Variants in MCTP1 observed in about 807,000 individuals in gnomAD.
MCTP1 encodes multiple C2 and transmembrane domain-containing protein 1.
Under a neutral mutation model 120.6 loss-of-function variants are expected in MCTP1, and 69 were observed. The ratio of observed to expected loss-of-function variants is 0.57; its 90% CI spans 0.47 to 0.70. The LOEUF is 0.70. Among genes scored for constraint, MCTP1 ranks in the 30% least tolerant of loss-of-function variants. MCTP1 has a pLI of 0.00. For missense variants in MCTP1, 1,203 were observed against 1,248.8 expected, an observed-to-expected ratio of 0.96 and a Z score of 0.55; for synonymous variants, 529 against 493.1, an observed-to-expected ratio of 1.07 and a Z score of -0.96.
intron 1 of MCTP1, among the ~76,000 whole-genome samples, chr5:95,028,656 C>T (rs2153688291): frequency 6.6e-6 from 1 of 152,278 alleles, no homozygotes; most frequent in Non-Finnish European, 1.5e-5. Flanking sequence ...ATAAAATTCT[C>T]TTTTCTTAAG....
In MCTP1 at chr5:94,993,220, A is replaced by T. The variant is rs184755419; in HGVS notation, c.838+24147T>A. Among the ~76,000 whole-genome samples, 47 of 152,338 alleles carry T rather than the reference A, an allele frequency of 3.1e-4. No homozygotes were observed. The East Asian group carries it at 8.9e-3, about 29-fold the overall frequency. ...TTTTGACATAAAACTAGAATCCTTT[A>T]AAATACTAAACAACTCAGCAGTCTA... is the stretch of plus-strand genomic sequence containing the variant. On this transcript the variant is annotated intron_variant, in intron 2 of 22. Coordinates refer to ENST00000515393, the MANE Select transcript of MCTP1 (RefSeq NM_024717.7).
chr5:95,079,018 C>T lies in MCTP1; in HGVS notation c.721-61534G>A, dbSNP rs1053688727. 5.3e-5 allele frequency among the ~76,000 whole-genome samples: 8 copies of T among 151,976 alleles called. No homozygotes were observed. In the East Asian group the frequency reaches 7.7e-4, roughly 15 times the overall value. On this transcript the variant is annotated intron_variant, in intron 1 of 22. Transcript: ENST00000515393. ...TATTTCAGTATGCTGTAAATTGCCG[C>T]GAATAAATACTACTAATCCTATCCC... is the stretch of plus-strand genomic sequence containing the variant.
At chr5:94,769,977 T>C (rs1370998610) in intron 19 of MCTP1, among the ~76,000 whole-genome samples, 1 of 152,244 alleles carries the variant, frequency 6.6e-6, no homozygotes, top group African/African-American at 2.4e-5. Flanking sequence ...TCTATTTATA[T>C]AGCCAACTCC....
At chr5:94,746,688 A>T (rs1766975679) in intron 19 of MCTP1, among the ~76,000 whole-genome samples, 1 of 152,242 alleles carries the variant, frequency 6.6e-6, no homozygotes, top group Admixed American at 6.5e-5. Context: ...TTGTCTTCTC[A>T]TGCATTCCAT....
At chr5:94,713,624 T>C (rs1757904053) in intron 20 of MCTP1, among the ~76,000 whole-genome samples, 1 of 152,076 alleles carries the variant, frequency 6.6e-6, no homozygotes, top group Admixed American at 6.5e-5. Flanking sequence ...TAAACATTCT[T>C]AGAGATGAGA....
At position 94,868,313 on chromosome 5, in the gene MCTP1, G is replaced by A. The variant is rs1797201157; in HGVS notation, c.2436+20C>T. 2 of 1,575,490 alleles carry A rather than the reference G, an allele frequency of 1.3e-6. No homozygotes were observed. The highest frequency in any genetic ancestry group is 1.7e-6 in the Non-Finnish European group (2 of 1,164,136). On this transcript the variant is annotated intron_variant, in intron 17 of 22. Coordinates refer to ENST00000515393, the MANE Select transcript of MCTP1 (RefSeq NM_024717.7). ...CTGAATTTAATGAATAACAATGTAAGTAATACAGTATGATCATACCACAAA... is the reference window on the plus strand; with the variant it reads ...CTGAATTTAATGAATAACAATGTAAATAATACAGTATGATCATACCACAAA...
intron 2 of MCTP1, among the ~76,000 whole-genome samples, chr5:94,965,067 G>A (rs1486999145): frequency 6.6e-6 from 1 of 152,112 alleles, no homozygotes; most frequent in Non-Finnish European, 1.5e-5. Context: ...ATGCTCTCAT[G>A]TTTGGCTAAG....
In MCTP1 at chr5:94,854,882, C is replaced by T. The variant is rs141692392; in HGVS notation, c.2436+13451G>A. Among the ~76,000 whole-genome samples the T allele has an allele frequency of 1.1e-4, 17 of 151,820 alleles. No individual in the cohort carries two copies. The East Asian group carries it at 2.7e-3, about 24-fold the overall frequency. ...AAAAGTGAAACAAATCAACATAGTC[C>T]GACTAGGTCTAAGCCTAGCATTCAA... is the stretch of plus-strand genomic sequence containing the variant. On this transcript the variant is annotated intron_variant, in intron 17 of 22. Transcript: ENST00000515393.
At position 94,785,126 on chromosome 5, in the gene MCTP1, T is replaced by C. The variant is rs552084916; in HGVS notation, c.2557-5963A>G. Among the ~76,000 whole-genome samples, 22 of 152,128 alleles carry C rather than the reference T, an allele frequency of 1.4e-4. 1 individual carries two copies. Among genetic ancestry groups the C allele is most frequent in the Non-Finnish European group, 2.8e-4 (19 of 67,962 alleles). ...GTATGTTACCTTTTATTTTCTTAAG[T>C]GTCAGCTTAATATGCAGAAAAACTC... On this transcript the variant is annotated intron_variant, in intron 18 of 22. Transcript: ENST00000515393.
chr5:95,210,551 T>C (rs1204899446), intron 1 of MCTP1, among the ~76,000 whole-genome samples: 8 of 148,556 alleles, frequency 5.4e-5, no homozygotes, highest in Middle Eastern at 3.4e-3. Flanking sequence ...ATCCTTTTAT[T>C]TTGAGCCTAT....
intron 1 of MCTP1, among the ~76,000 whole-genome samples, chr5:95,102,760 A>G (rs1756834167): frequency 6.6e-6 from 1 of 152,234 alleles, no homozygotes; most frequent in African/African-American, 2.4e-5. Context: ...GGATCACAGG[A>G]AGCCCCTTAA....
At chr5:94,959,713 A>G (rs1823644786) in intron 2 of MCTP1, among the ~76,000 whole-genome samples, 1 of 152,124 alleles carries the variant, frequency 6.6e-6, no homozygotes, top group Non-Finnish European at 1.5e-5. Flanking sequence ...AATTTAAAAG[A>G]GATGTGAAGG....
At chr5:94,779,726 C>A (rs1190730565) in intron 18 of MCTP1, among the ~76,000 whole-genome samples, 1 of 152,126 alleles carries the variant, frequency 6.6e-6, no homozygotes, top group East Asian at 1.9e-4. Context: ...CCAAAACTCT[C>A]ATTTTAATTC....
rs540238524 is a variant in MCTP1 at position 94,785,196 on chromosome 5, T to C, written c.2557-6033A>G. On this transcript the variant is annotated intron_variant, in intron 18 of 22. Coordinates refer to ENST00000515393, the MANE Select transcript of MCTP1 (RefSeq NM_024717.7). ...ACAATAACAAATTCTATAATCAGTATAAGCCTCTTAAATTTCTTTTCATAT... is the reference window on the plus strand; with the variant it reads ...ACAATAACAAATTCTATAATCAGTACAAGCCTCTTAAATTTCTTTTCATAT... Among the ~76,000 whole-genome samples, 14 of 152,288 alleles carry C rather than the reference T, an allele frequency of 9.2e-5. No individual in the cohort carries two copies. The East Asian group carries it at 2.7e-3, about 29-fold the overall frequency.
At chr5:94,784,121 T>C (rs1218926379) in intron 18 of MCTP1, among the ~76,000 whole-genome samples, 1 of 152,124 alleles carries the variant, frequency 6.6e-6, no homozygotes, top group Non-Finnish European at 1.5e-5. Flanking sequence ...AAGTTTCATA[T>C]TTAGTTTCAT....
chr5:94,854,029 G>T (rs973914589), intron 17 of MCTP1, among the ~76,000 whole-genome samples: 2 of 151,772 alleles, frequency 1.3e-5, no homozygotes, highest in East Asian at 3.9e-4. Flanking sequence ...GCCCAGACAG[G>T]TGTCTGGGAG....
chr5:94,826,521 C>G (rs757490251), intron 17 of MCTP1: 13 of 708,142 alleles, frequency 1.8e-5, no homozygotes, highest in Non-Finnish European at 3.4e-5. Flanking sequence ...GCCTATATTC[C>G]TTGTGATAGT....
At chr5:94,858,445 T>C (rs1795116967) in intron 17 of MCTP1, among the ~76,000 whole-genome samples, 1 of 151,640 alleles carries the variant, frequency 6.6e-6, no homozygotes, top group Non-Finnish European at 1.5e-5. Flanking sequence ...TACAGACTTA[T>C]TATATCAAGT....
chr5:95,188,522 C>A (rs532115688), intron 1 of MCTP1, among the ~76,000 whole-genome samples: 1 of 152,226 alleles, frequency 6.6e-6, no homozygotes, highest in South Asian at 2.1e-4. Context: ...GGAAGGAAAC[C>A]CATTGATATA....
Sources: allele counts gnomAD v4.1 joint callset (sites outside exome capture counted in the v4.1 genomes callset), GRCh38; gene constraint gnomAD v4.1.1; transcripts MANE v1.5; gene names NCBI Gene and HGNC (gene_info 2026-07-23, HGNC 2026-07-21).